The following EPHB1 variants were observed in gnomAD, a reference collection of about 807,000 sequenced individuals.
EPHB1 encodes the protein ephrin type-B receptor 1.
Under a neutral mutation model 94.4 loss-of-function variants are expected in EPHB1, and 30 were observed. The observed-to-expected ratio is 0.32, with a 90% CI of 0.24 to 0.43. The LOEUF (loss-of-function observed/expected upper bound fraction) is 0.43, where lower values mean the gene tolerates loss of function less well. Among genes scored for constraint, EPHB1 ranks in the 20% least tolerant of loss-of-function variants. The pLI is 1.00. For missense variants in EPHB1, 1,055 were observed against 1,308.3 expected, an observed-to-expected ratio of 0.81 and a Z score of 2.99; for synonymous variants, 522 against 489.1, an observed-to-expected ratio of 1.07 and a Z score of -0.89.
intron 1 of EPHB1, among the ~76,000 whole-genome samples, chr3:134,879,148 C>T (rs576541596): frequency 4.6e-5 from 7 of 152,272 alleles, no homozygotes; most frequent in East Asian, 1.9e-4. Flanking sequence ...TTGCAGGAGG[C>T]GTGACTAAGG....
intron 2 of EPHB1, among the ~76,000 whole-genome samples, chr3:134,947,857 C>T (rs774917315): frequency 2.6e-5 from 4 of 152,154 alleles, no homozygotes; most frequent in Non-Finnish European, 2.9e-5. Context: ...TACAGTGGTG[C>T]GAGCATGGCT....
At chr3:135,203,356 A>G (rs1283322367) in intron 12 of EPHB1, among the ~76,000 whole-genome samples, 1 of 152,218 alleles carries the variant, frequency 6.6e-6, no homozygotes, top group Non-Finnish European at 1.5e-5. Context: ...GGGCACATGT[A>G]TACCTATGAA....
intron 6 of EPHB1, chr3:135,154,535 G>A (rs1941293330): frequency 7.9e-6 from 3 of 380,670 alleles, no homozygotes; most frequent in African/African-American, 6.1e-5. Flanking sequence ...TGGCTGGGAA[G>A]GACCAGTCCC....
intron 3 of EPHB1, among the ~76,000 whole-genome samples, chr3:134,998,431 A>G (rs1056107772): frequency 2.0e-5 from 3 of 152,198 alleles, no homozygotes; most frequent in Non-Finnish European, 4.4e-5. Flanking sequence ...CAGAAGCTGG[A>G]CTTTATTACC....
At chr3:135,010,744 A>G (rs931621529) in intron 3 of EPHB1, among the ~76,000 whole-genome samples, 3 of 151,726 alleles carry the variant, frequency 2.0e-5, no homozygotes, top group Non-Finnish European at 4.4e-5. Context: ...TTGTATTTTT[A>G]GTAGAGATGG....
In EPHB1 at chr3:134,857,396, G is replaced by A. The variant is rs1421658678; in HGVS notation, c.58+61707G>A. ...CTTGCAGGTCTTGGTTCCTACTTTC[G>A]ATACAGGCAGTCTGGTTAGTGTGAT... On this transcript the variant is annotated intron_variant, in intron 1 of 15. Coordinates refer to ENST00000398015, the MANE Select transcript of EPHB1 (RefSeq NM_004441.5). Among the ~76,000 whole-genome samples the A allele has an allele frequency of 2.6e-5, 4 of 152,132 alleles. No homozygotes were observed. In the East Asian group the frequency reaches 5.8e-4, roughly 22 times the overall value.
intron 3 of EPHB1, among the ~76,000 whole-genome samples, chr3:134,960,523 T>G (rs1213520659): frequency 6.6e-6 from 1 of 152,154 alleles, no homozygotes; most frequent in Non-Finnish European, 1.5e-5. Flanking sequence ...TGGCTGGGTA[T>G]GTTTTGGGTC....
At chr3:135,144,659 C>A (rs1425236872) in intron 5 of EPHB1, among the ~76,000 whole-genome samples, 2 of 152,176 alleles carry the variant, frequency 1.3e-5, no homozygotes, top group Non-Finnish European at 2.9e-5. Flanking sequence ...TGTCACCCCC[C>A]ACATTCCCCT....
chr3:135,036,632 G>A (rs1329649468), intron 3 of EPHB1, among the ~76,000 whole-genome samples: 1 of 152,240 alleles, frequency 6.6e-6, no homozygotes, highest in South Asian at 2.1e-4. Flanking sequence ...ACTGATGGGT[G>A]TCCTGGCCTT....
At chr3:134,811,727 A>G in intron 1 of EPHB1, among the ~76,000 whole-genome samples, 1 of 147,898 alleles carries the variant, frequency 6.8e-6, no homozygotes, top group East Asian at 1.9e-4. Flanking sequence ...CTGAGAATGC[A>G]TGATCTAAAC....
At chr3:135,030,433 CCTT>C (rs1291822238) in intron 3 of EPHB1, among the ~76,000 whole-genome samples, 2 of 152,106 alleles carry the variant, frequency 1.3e-5, no homozygotes, top group African/African-American at 4.8e-5. Context: ...TGTTAGTTTT[CCTT>C]CTAACAGACA....
At position 135,260,429 on chromosome 3, in the gene EPHB1, A is replaced by G. The variant is rs1368806134; in HGVS notation, c.*1309A>G. Reference sequence around the variant, plus strand: ...ATCTCCTTGCTAATTTTATCTGTCTAATTAAAAAGAGCAGAAGCATGTCTG... The same window carrying G: ...ATCTCCTTGCTAATTTTATCTGTCTGATTAAAAAGAGCAGAAGCATGTCTG... On this transcript the variant is annotated 3_prime_UTR_variant, in exon 16 of 16. Coordinates refer to ENST00000398015, the MANE Select transcript of EPHB1 (RefSeq NM_004441.5). The G allele has an allele frequency of 1.3e-5, 3 of 225,230 alleles. No individual in the cohort carries two copies. The highest frequency in any genetic ancestry group is 2.7e-5 in the Non-Finnish European group (3 of 112,786). The allele number at this position is 225,230 out of a possible 1,614,324, so 14.0% of individuals were successfully genotyped here.
At chr3:135,093,905 G>C (rs1418843858) in intron 3 of EPHB1, among the ~76,000 whole-genome samples, 2 of 152,104 alleles carry the variant, frequency 1.3e-5, no homozygotes, top group Non-Finnish European at 2.9e-5. Context: ...ACTAACCACA[G>C]GTTTTCACCA....
chr3:135,000,731 A>C (rs1241190679), intron 3 of EPHB1, among the ~76,000 whole-genome samples: 1 of 152,200 alleles, frequency 6.6e-6, no homozygotes, highest in Non-Finnish European at 1.5e-5. Context: ...GTGTATGCAC[A>C]TCAATTACAC....
chr3:134,987,438 A>G lies in EPHB1; in HGVS notation c.805+35386A>G, dbSNP rs1461512551. 8.5e-5 allele frequency among the ~76,000 whole-genome samples: 13 copies of G among 152,254 alleles called. No individual in the cohort carries two copies. The East Asian group carries it at 2.5e-3, about 29-fold the overall frequency. ...GTGTCTTTATAAAAAGAAGCACCAGAGTGCTGTTTCTGTACATGCACACAG... is the reference window on the plus strand; with the variant it reads ...GTGTCTTTATAAAAAGAAGCACCAGGGTGCTGTTTCTGTACATGCACACAG... On this transcript the variant is annotated intron_variant, in intron 3 of 15. Transcript: ENST00000398015.
At chr3:135,074,610 T>C (rs1937843912) in intron 3 of EPHB1, among the ~76,000 whole-genome samples, 1 of 152,218 alleles carries the variant, frequency 6.6e-6, no homozygotes, top group African/African-American at 2.4e-5. Context: ...TGCTGATGTG[T>C]TTCCCACCTG....
chr3:135,142,367 G>A (rs754071219), intron 5 of EPHB1, among the ~76,000 whole-genome samples: 5 of 152,158 alleles, frequency 3.3e-5, no homozygotes, highest in African/African-American at 7.2e-5. Flanking sequence ...ATATGGTTCC[G>A]GGACAGCAGG....
chr3:135,170,668 A>G (rs764922485), intron 9 of EPHB1, among the ~76,000 whole-genome samples: 7 of 152,188 alleles, frequency 4.6e-5, no homozygotes, highest in Non-Finnish European at 1.0e-4. Context: ...CTAGGTGGGC[A>G]AGTATAAGTT....
chr3:135,252,233 A>G (rs946581291), intron 15 of EPHB1, among the ~76,000 whole-genome samples: 1 of 150,970 alleles, frequency 6.6e-6, no homozygotes, highest in East Asian at 1.9e-4. Flanking sequence ...TTATTATTAT[A>G]CTTTAAGTTT....
Sources: allele counts gnomAD v4.1 joint callset (sites outside exome capture counted in the v4.1 genomes callset), GRCh38; gene constraint gnomAD v4.1.1; transcripts MANE v1.5; gene names NCBI Gene and HGNC (gene_info 2026-07-23, HGNC 2026-07-21).